The following DCP2 variants were observed in gnomAD, a reference collection of about 807,000 sequenced individuals.
DCP2 encodes the protein m7GpppN-mRNA hydrolase.
In DCP2, 30 loss-of-function variants were observed where a neutral mutation model predicts 56.1. The observed-to-expected ratio is 0.53, with a 90% confidence interval of 0.40 to 0.73. The LOEUF is 0.73. Ranked by LOEUF, DCP2 falls within the 30% of genes least tolerant of loss-of-function variation. The probability of loss-of-function intolerance (pLI) is 0.00; values close to 1 mark genes in which losing one functional copy is unlikely to be tolerated. For missense variants in DCP2, 533 were observed against 502.7 expected (o/e 1.06, Z -0.58); for synonymous variants, 197 against 163.3 (o/e 1.21, Z -1.57).
At chr5:112,977,068 C>A in intron 1 of DCP2, 82 bp downstream of exon 1, 3 of 1,099,422 alleles carry the variant, frequency 2.7e-6, no homozygotes, top group Non-Finnish European at 3.8e-6. Context: ...GGTCTTCTTC[C>A]CCGCCCACGT....
intron 9 of DCP2, among the ~76,000 whole-genome samples, chr5:113,008,655 A>C (rs996199704): frequency 6.6e-6 from 1 of 152,102 alleles, no homozygotes; most frequent in African/African-American, 2.4e-5. Flanking sequence ...AATTTTTAGC[A>C]AAAATATTTT....
At chr5:112,984,703 A>AAAATATATATATATATATATATATAT in intron 1 of DCP2, 13 of 64,852 alleles carry the variant, frequency 2.0e-4, no homozygotes, top group African/African-American at 4.0e-4. Flanking sequence ...AAAAAAAAAA[A>AAAATATATATATATATATATATATAT]ATATATATAT....
intron 1 of DCP2, among the ~76,000 whole-genome samples, chr5:112,980,286 C>A (rs1366739761): frequency 6.6e-6 from 1 of 152,062 alleles, no homozygotes; most frequent in Non-Finnish European, 1.5e-5. Context: ...ATAGTAAGGC[C>A]ACACTAGTGT....
chr5:113,018,684 TCGTTC>T lies in DCP2; in HGVS notation c.*5201_*5205del, dbSNP rs1287439628. On this transcript the variant is annotated 3_prime_UTR_variant, in exon 11 of 11. Coordinates refer to ENST00000389063, the MANE Select transcript of DCP2 (RefSeq NM_152624.6). ...TGGTTTTTGGGTTATTGGCTACTGT[TCGTTC>T]AGTGCCATTTGAAGACCTGTTGTTT... is the stretch of plus-strand genomic sequence containing the variant. 1 of 152,258 alleles carries T rather than the reference TCGTTC, an allele frequency of 6.6e-6. No homozygotes were observed. The highest frequency in any genetic ancestry group is 2.4e-5 in the African/African-American group (1 of 41,462). 9.4% of individuals were successfully genotyped at this position (152,258 alleles called of 1,614,324 possible).
chr5:112,992,855 G>T, intron 4 of DCP2, 85 bp downstream of exon 4: 1 of 1,014,904 alleles, frequency 9.9e-7, no homozygotes. Flanking sequence ...TTACTTCTTT[G>T]GACTGTCTTA....
chr5:112,987,936 T>C (rs1748377352), intron 2 of DCP2, among the ~76,000 whole-genome samples: 2 of 152,124 alleles, frequency 1.3e-5, no homozygotes, highest in African/African-American at 4.8e-5. Context: ...GGTTATTGTT[T>C]TTGACCATGA....
intron 10 of DCP2, among the ~76,000 whole-genome samples, chr5:113,012,933 T>C (rs1020711498): frequency 2.0e-4 from 30 of 152,196 alleles, no homozygotes; most frequent in African/African-American, 6.3e-4. Context: ...TGAGCCACCA[T>C]GCCTGGCCAG....
chr5:112,999,382 TAATA>T (rs1361227098), intron 4 of DCP2, among the ~76,000 whole-genome samples: 1 of 151,948 alleles, frequency 6.6e-6, no homozygotes, highest in East Asian at 1.9e-4. Context: ...GGCTGGAGTG[TAATA>T]GCATGATCTC....
At chr5:112,981,769 C>T (rs1206344209) in intron 1 of DCP2, among the ~76,000 whole-genome samples, 1 of 152,010 alleles carries the variant, frequency 6.6e-6, no homozygotes, top group Non-Finnish European at 1.5e-5. Context: ...TTCCTTCTAG[C>T]CTTTTTGTTT....
chr5:112,984,352 G>A (rs1334089737), intron 1 of DCP2: 6 of 152,186 alleles, frequency 3.9e-5, no homozygotes, highest in Admixed American at 3.3e-4. Flanking sequence ...TTCACCTGCT[G>A]AACTGGGCCA....
rs1237473176 is a variant in DCP2 at position 113,022,166 on chromosome 5, GTATA to G, written c.*8683_*8686del. 6.6e-6 allele frequency: 1 copy of G among 152,524 alleles called. No homozygotes were observed. The highest frequency in any genetic ancestry group is 1.5e-5 in the Non-Finnish European group (1 of 68,022). 9.4% of individuals were successfully genotyped at this position (152,524 alleles called of 1,614,324 possible). A position where few individuals can be genotyped will look rare whatever the true frequency, so the allele number is the denominator to read the frequency against. On this transcript the variant is annotated 3_prime_UTR_variant, in exon 11 of 11. Coordinates refer to ENST00000389063, the MANE Select transcript of DCP2 (RefSeq NM_152624.6). ...TTTGTAAAATATTATAAATGTCTCTGTATAAATAAATGGAGTTTTTAAAAAACAA... is the reference window on the plus strand; with the variant it reads ...TTTGTAAAATATTATAAATGTCTCTGAATAAATGGAGTTTTTAAAAAACAA...
At chr5:113,006,881 C>T (rs1465877990) in intron 8 of DCP2, among the ~76,000 whole-genome samples, 1 of 152,124 alleles carries the variant, frequency 6.6e-6, no homozygotes, top group African/African-American at 2.4e-5. Flanking sequence ...ACCTGTAATT[C>T]TAGCTCTTCG....
At chr5:112,978,683 TAA>T (rs35646202) in intron 1 of DCP2, among the ~76,000 whole-genome samples, 6 of 136,640 alleles carry the variant, frequency 4.4e-5, no homozygotes, top group Admixed American at 1.4e-4. Context: ...TTGTCCCAAA[TAA>T]AAAAAAAAAA....
rs1750028229 is a variant in DCP2 at position 113,019,728 on chromosome 5, C to T, written c.*6244C>T. The T allele has an allele frequency of 6.6e-6, 1 of 152,100 alleles. No individual in the cohort carries two copies. The highest frequency in any genetic ancestry group is 2.1e-4 in the South Asian group (1 of 4,814). 9.4% of individuals were successfully genotyped at this position (152,100 alleles called of 1,614,324 possible). On this transcript the variant is annotated 3_prime_UTR_variant, in exon 11 of 11. Coordinates refer to ENST00000389063, the MANE Select transcript of DCP2 (RefSeq NM_152624.6). ...TGAAGTTTGCTTATTAGCTTAATAC[C>T]TTATAGTACTTTTAAAAAATCATCC...
chr5:113,002,811 C>G (rs966811053), intron 7 of DCP2, among the ~76,000 whole-genome samples: 7 of 152,206 alleles, frequency 4.6e-5, no homozygotes, highest in Non-Finnish European at 7.3e-5. Flanking sequence ...GCGTGAGCCA[C>G]CATGCCTGGC....
chr5:112,992,792 C>G (rs778686528), intron 4 of DCP2, 22 bp downstream of exon 4: 2 of 1,542,476 alleles, frequency 1.3e-6, no homozygotes, highest in African/African-American at 1.4e-5. Context: ...CATTTTGATA[C>G]ACAGTAAATT....
At chr5:112,981,011 T>G (rs570949165) in intron 1 of DCP2, among the ~76,000 whole-genome samples, 1 of 149,458 alleles carries the variant, frequency 6.7e-6, no homozygotes, top group South Asian at 2.2e-4. Context: ...TTCCATTGTT[T>G]ACCTTTGTGA....
chr5:113,007,802 G>A, intron 8 of DCP2, 136 bp from the exon 9 acceptor site: 2 of 650,778 alleles, frequency 3.1e-6, no homozygotes, highest in Non-Finnish European at 2.6e-6. Context: ...CATTGATAGG[G>A]TGATTAATGA....
At chr5:112,984,703 A>AAATATATATATATAT in intron 1 of DCP2, 33 of 64,842 alleles carry the variant, frequency 5.1e-4, no homozygotes, top group African/African-American at 2.3e-3. Flanking sequence ...AAAAAAAAAA[A>AAATATATATATATAT]ATATATATAT....
Sources: gnomAD v4.1 joint callset for allele counts (sites outside exome capture counted in the v4.1 genomes callset) on GRCh38, gnomAD v4.1.1 for gene constraint, MANE v1.5 for transcripts, NCBI Gene and HGNC (gene_info 2026-07-23, HGNC 2026-07-21) for gene names.